HAO1: variants seen among roughly 807,000 people sequenced by gnomAD.
The protein encoded by HAO1 is 2-Hydroxyacid oxidase 1.
HAO1 carries 34 observed loss-of-function variants against 39.7 expected under a neutral mutation model. The observed-to-expected ratio is 0.86, with a 90% CI of 0.65 to 1.14. The LOEUF is 1.14. Among genes scored for constraint, HAO1 ranks in the 50% most tolerant of loss-of-function variants. The pLI, the probability that HAO1 is intolerant of heterozygous loss-of-function variation, is 0.00. For missense variants in HAO1, 479 were observed against 464.5 expected (o/e 1.03, Z -0.29); for synonymous variants, 172 against 173.2 (o/e 0.99, Z 0.05).
chr20:7,914,128 T>A (rs779691866), intron 3 of HAO1, 36 bp downstream of exon 3: 1 of 1,609,498 alleles, frequency 6.2e-7, no homozygotes, highest in Admixed American at 1.7e-5. Context: ...CAAGATCCCT[T>A]TCGCCTCAGC....
chr20:7,887,516 G>A (rs1314228502), intron 5 of HAO1, among the ~76,000 whole-genome samples: 2 of 152,060 alleles, frequency 1.3e-5, no homozygotes, highest in African/African-American at 4.8e-5. Context: ...TAGCTTTTCT[G>A]CCTTGCCAAA....
At position 7,940,272 on chromosome 20, in the gene HAO1, A is replaced by G. The variant is rs776436740; in HGVS notation, c.137+14T>C. 1.3e-6 allele frequency: 2 copies of G among 1,587,640 alleles called. No individual in the cohort carries two copies. The highest frequency in any genetic ancestry group is 1.7e-6 in the Non-Finnish European group (2 of 1,170,114). On this transcript the variant is annotated intron_variant, in intron 1 of 7. Transcript: ENST00000378789. ...TAATTTTAAAACATGATTTTAAAAA[A>G]TAAATTTTCTTACCTGGAAAATGCT...
chr20:7,929,136 G>A (rs891666183), intron 2 of HAO1, among the ~76,000 whole-genome samples: 1 of 152,046 alleles, frequency 6.6e-6, no homozygotes, highest in South Asian at 2.1e-4. Flanking sequence ...TTACAAGCCT[G>A]GCTCCTAAAA....
chr20:7,902,453 C>T (rs367667367), intron 4 of HAO1, among the ~76,000 whole-genome samples: 18 of 152,088 alleles, frequency 1.2e-4, no homozygotes, highest in East Asian at 3.9e-4. Flanking sequence ...TTAGGAGTAA[C>T]GTATTTTTTA....
rs993653356 is a variant in HAO1 at position 7,906,437 on chromosome 20, T to G, written c.546-108A>C. On this transcript the variant is annotated intron_variant, in intron 3 of 7. Transcript: ENST00000378789. ...CTTTTCAAATCAATTGGCTGTTCAC[T>G]GCTCATTTATCTATAAGTCAATTGC... 21 of 664,564 alleles carry G rather than the reference T, an allele frequency of 3.2e-5. No individual in the cohort carries two copies. The Admixed American group carries it at 5.2e-4, about 17-fold the overall frequency. The allele number at this position is 664,564 out of a possible 1,614,324, so 41.2% of individuals were successfully genotyped here. A position where few individuals can be genotyped will look rare whatever the true frequency, so the allele number is the denominator to read the frequency against.
intron 5 of HAO1, among the ~76,000 whole-genome samples, chr20:7,891,539 A>C (rs967142468): frequency 6.6e-6 from 1 of 152,070 alleles, no homozygotes; most frequent in African/African-American, 2.4e-5. Flanking sequence ...AAAGCTCTTT[A>C]GTTTAATTAA....
intron 1 of HAO1, among the ~76,000 whole-genome samples, chr20:7,938,709 A>G (rs143746983): frequency 6.6e-6 from 1 of 152,206 alleles, no homozygotes; most frequent in Non-Finnish European, 1.5e-5. Flanking sequence ...TTTTGCATCA[A>G]TTCAACCCAA....
In HAO1 at chr20:7,930,434, T is replaced by C. The variant is rs368413951; in HGVS notation, c.289+4050A>G. On this transcript the variant is annotated intron_variant, in intron 2 of 7. Coordinates refer to ENST00000378789, the MANE Select transcript of HAO1 (RefSeq NM_017545.3). ...GCCAAGTATGAATATTCTTACACTG[T>C]TACTTAAATTTGCCTGTGGCTATCT... 1.1e-4 allele frequency among the ~76,000 whole-genome samples: 16 copies of C among 152,328 alleles called. No homozygotes were observed. In the South Asian group the frequency reaches 3.1e-3, roughly 30 times the overall value.
At chr20:7,933,368 G>A (rs1347787300) in intron 2 of HAO1, among the ~76,000 whole-genome samples, 2 of 151,980 alleles carry the variant, frequency 1.3e-5, no homozygotes, top group East Asian at 3.9e-4. Flanking sequence ...TAAGGTTGTT[G>A]CCTATAGTTT....
At chr20:7,911,646 C>T (rs1226441388) in intron 3 of HAO1, among the ~76,000 whole-genome samples, 3 of 152,246 alleles carry the variant, frequency 2.0e-5, no homozygotes, top group Admixed American at 2.0e-4. Flanking sequence ...GCAGAGACTA[C>T]CAAACCTCTG....
At chr20:7,910,709 A>G in intron 3 of HAO1, among the ~76,000 whole-genome samples, 1 of 152,136 alleles carries the variant, frequency 6.6e-6, no homozygotes, top group East Asian at 1.9e-4. Context: ...CCTTAAGTTA[A>G]TCACATCTGC....
intron 5 of HAO1, among the ~76,000 whole-genome samples, chr20:7,892,374 C>A (rs193080606): frequency 6.6e-6 from 1 of 152,154 alleles, no homozygotes. Context: ...CGTGAGCCAC[C>A]ACTTGACTGT....
At chr20:7,919,059 C>G (rs1182860641) in intron 2 of HAO1, among the ~76,000 whole-genome samples, 1 of 152,150 alleles carries the variant, frequency 6.6e-6, no homozygotes, top group East Asian at 1.9e-4. Flanking sequence ...TTTAAGATGC[C>G]TGGCAAAATG....
intron 2 of HAO1, among the ~76,000 whole-genome samples, chr20:7,923,745 C>G (rs998136018): frequency 2.0e-5 from 3 of 152,162 alleles, no homozygotes; most frequent in African/African-American, 7.2e-5. Flanking sequence ...AATTCAGATT[C>G]TGACTCAGTA....
At chr20:7,913,205 A>G (rs2122775899) in intron 3 of HAO1, among the ~76,000 whole-genome samples, 1 of 147,566 alleles carries the variant, frequency 6.8e-6, no homozygotes, top group African/African-American at 2.5e-5. Flanking sequence ...ATTCAAACAT[A>G]GAGTAAGCAA....
At chr20:7,900,359 G>A (rs984993410) in intron 4 of HAO1, among the ~76,000 whole-genome samples, 5 of 152,090 alleles carry the variant, frequency 3.3e-5, no homozygotes, top group Non-Finnish European at 7.4e-5. Context: ...TAGCAGCAAG[G>A]TATTTTTAAT....
intron 1 of HAO1, among the ~76,000 whole-genome samples, chr20:7,936,552 G>GTT (rs1488706496): frequency 1.9e-3 from 285 of 148,228 alleles, no homozygotes; most frequent in Non-Finnish European, 3.2e-3. Flanking sequence ...GTGTGTTCGC[G>GTT]CGCGCGCGCG....
intron 3 of HAO1, among the ~76,000 whole-genome samples, chr20:7,907,482 A>G (rs1368133034): frequency 6.6e-6 from 1 of 152,064 alleles, no homozygotes; most frequent in East Asian, 1.9e-4. Flanking sequence ...CCTTTGTTCA[A>G]TGCCTTCCCT....
chr20:7,893,954 T>C (rs1326089882), intron 5 of HAO1, among the ~76,000 whole-genome samples: 1 of 152,064 alleles, frequency 6.6e-6, no homozygotes, highest in Non-Finnish European at 1.5e-5. Flanking sequence ...TAGTATTCCC[T>C]GAGCACATCT....
Sources: gnomAD v4.1 joint callset for allele counts (sites outside exome capture counted in the v4.1 genomes callset) on GRCh38, gnomAD v4.1.1 for gene constraint, MANE v1.5 for transcripts, NCBI Gene and HGNC (gene_info 2026-07-23, HGNC 2026-07-21) for gene names.